The following MIS18A variants were observed in gnomAD, a reference collection of about 807,000 sequenced individuals.
The protein encoded by MIS18A is protein Mis18-alpha.
A neutral mutation model predicts 25.0 loss-of-function variants in MIS18A; 14 were observed. That is an observed-to-expected ratio of 0.56 (90% CI 0.37 to 0.88). The LOEUF is 0.88. Among genes scored for constraint, MIS18A ranks in the 40% least tolerant of loss-of-function variants. The pLI is 0.00. For synonymous variants in MIS18A, 134 were observed against 118.6 expected, an observed-to-expected ratio of 1.13 and a Z score of -0.84; for missense variants, 292 against 290.8, an observed-to-expected ratio of 1.00 and a Z score of -0.03.
downstream of MIS18A, among the ~76,000 whole-genome samples, chr21:32,263,774 T>A (rs1204305326): frequency 1.3e-5 from 2 of 151,770 alleles, no homozygotes; most frequent in African/African-American, 4.8e-5. Flanking sequence ...CACAGCAATA[T>A]GCTGCAAACC....
chr21:32,270,646 TAGGTCATACATAA>T (rs2031697380), intron 2 of MIS18A, 117 bp from the exon 3 acceptor site: 1 of 1,073,036 alleles, frequency 9.3e-7, no homozygotes, highest in Non-Finnish European at 1.2e-6. Flanking sequence ...CTGACCACAC[TAGGTCATACATAA>T]AGGATAGGAA....
the MIS18A span, among the ~76,000 whole-genome samples, chr21:32,256,905 C>G: frequency 6.6e-6 from 1 of 151,334 alleles, no homozygotes; most frequent in Non-Finnish European, 1.5e-5. Context: ...CTCATTCTTA[C>G]AGAGGAAAAA....
downstream of MIS18A, among the ~76,000 whole-genome samples, chr21:32,265,638 C>A (rs972820633): frequency 3.9e-5 from 6 of 152,226 alleles, no homozygotes; most frequent in Admixed American, 2.0e-4. Flanking sequence ...TCCTGTGTGG[C>A]CCGAGCCTCC....
chr21:32,182,648 G>A, the MIS18A span, among the ~76,000 whole-genome samples: 1 of 152,130 alleles, frequency 6.6e-6, no homozygotes, highest in African/African-American at 2.4e-5. Flanking sequence ...ACAGCCCTAG[G>A]GTGCCAAGAG....
chr21:32,262,957 C>CT, the MIS18A span, among the ~76,000 whole-genome samples: 1 of 152,174 alleles, frequency 6.6e-6, no homozygotes, highest in Admixed American at 6.5e-5. Flanking sequence ...AACTACAACT[C>CT]TATAGACTGG....
chr21:32,214,402 AC>A, the MIS18A span, among the ~76,000 whole-genome samples: 1 of 152,162 alleles, frequency 6.6e-6, no homozygotes, highest in African/African-American at 2.4e-5. Context: ...TGGGATGCAG[AC>A]GGGTTGCAAG....
At chr21:32,271,594 CG>C (rs752013650) in intron 2 of MIS18A, among the ~76,000 whole-genome samples, 7 of 152,166 alleles carry the variant, frequency 4.6e-5, no homozygotes, top group Non-Finnish European at 1.0e-4. Flanking sequence ...TAAGTGTCTA[CG>C]GGCTTTTATA....
At chr21:32,181,843 G>C in the MIS18A span, among the ~76,000 whole-genome samples, 3 of 152,176 alleles carry the variant, frequency 2.0e-5, no homozygotes, top group Non-Finnish European at 4.4e-5. Flanking sequence ...AGGGGGCAGA[G>C]TGATTAAGCA....
At chr21:32,249,403 C>T in the MIS18A span, among the ~76,000 whole-genome samples, 1 of 152,178 alleles carries the variant, frequency 6.6e-6, no homozygotes, top group Admixed American at 6.5e-5. Flanking sequence ...AGTGAGCATG[C>T]CGCGCAGGCA....
chr21:32,220,436 C>T, the MIS18A span, among the ~76,000 whole-genome samples: 2 of 152,174 alleles, frequency 1.3e-5, no homozygotes, highest in African/African-American at 4.8e-5. Context: ...GCATCAACAT[C>T]AACAAAAAGG....
the MIS18A span, among the ~76,000 whole-genome samples, chr21:32,169,962 G>A: frequency 6.6e-6 from 1 of 152,036 alleles, no homozygotes; most frequent in Non-Finnish European, 1.5e-5. Context: ...TCACAAAAAA[G>A]TATAAGATAT....
chr21:32,257,535 T>C, the MIS18A span, among the ~76,000 whole-genome samples: 7 of 152,330 alleles, frequency 4.6e-5, no homozygotes, highest in South Asian at 1.2e-3. Flanking sequence ...AGATTACAAA[T>C]GCCTTAGATG....
At chr21:32,213,896 T>G in the MIS18A span, among the ~76,000 whole-genome samples, 1 of 152,306 alleles carries the variant, frequency 6.6e-6, no homozygotes, top group East Asian at 1.9e-4. Context: ...CTTATCAAGA[T>G]CCTTGTGGTT....
At chr21:32,204,802 G>A in the MIS18A span, among the ~76,000 whole-genome samples, 7 of 148,816 alleles carry the variant, frequency 4.7e-5, no homozygotes, top group Admixed American at 3.4e-4. Context: ...CAGGAGAATC[G>A]CTTGGGCTTA....
the MIS18A span, among the ~76,000 whole-genome samples, chr21:32,256,841 C>CTGT: frequency 6.6e-6 from 1 of 152,128 alleles, no homozygotes; most frequent in Non-Finnish European, 1.5e-5. Flanking sequence ...CCATCTCAAA[C>CTGT]AGTTCAATTC....
At chr21:32,261,949 C>A in the MIS18A span, among the ~76,000 whole-genome samples, 163 of 152,330 alleles carry the variant, frequency 1.1e-3, 2 homozygotes, top group Middle Eastern at 6.8e-3. Flanking sequence ...GATTTCTAAA[C>A]CCTTCTAGAC....
chr21:32,162,467 C>T, the MIS18A span, among the ~76,000 whole-genome samples: 1 of 152,194 alleles, frequency 6.6e-6, no homozygotes, highest in South Asian at 2.1e-4. Flanking sequence ...TTTCACCCAT[C>T]AGTTTCAACT....
At chr21:32,157,716 AGTTTT>A in the MIS18A span, among the ~76,000 whole-genome samples, 7 of 151,938 alleles carry the variant, frequency 4.6e-5, no homozygotes, top group Non-Finnish European at 8.8e-5. Context: ...TTTTTCATTT[AGTTTT>A]ATTTGTATAA....
intron 1 of MIS18A, among the ~76,000 whole-genome samples, chr21:32,276,625 A>C (rs2031815952): frequency 6.6e-6 from 1 of 152,126 alleles, no homozygotes; most frequent in African/African-American, 2.4e-5. Flanking sequence ...GGAGTTGGGA[A>C]AACAATTTAT....
Sources: allele counts gnomAD v4.1 joint callset (sites outside exome capture counted in the v4.1 genomes callset), GRCh38; gene constraint gnomAD v4.1.1; transcripts MANE v1.5; gene names NCBI Gene and HGNC (gene_info 2026-07-23, HGNC 2026-07-21).